The following EXOC6B variants were observed in gnomAD, a reference collection of about 807,000 sequenced individuals.
EXOC6B encodes exocyst complex component 6B, also known as SEC15 homolog B.
Under a neutral mutation model 113.5 loss-of-function variants are expected in EXOC6B, and 54 were observed. That is an observed-to-expected ratio of 0.48 (90% CI 0.38 to 0.60). EXOC6B has a LOEUF of 0.60. Among genes scored for constraint, EXOC6B ranks in the 20% least tolerant of loss-of-function variants. The probability of loss-of-function intolerance (pLI) is 0.00; values close to 1 mark genes in which losing one functional copy is unlikely to be tolerated. For missense variants in EXOC6B, 797 were observed against 977.5 expected, an observed-to-expected ratio of 0.82 and a Z score of 2.46; for synonymous variants, 357 against 339.0, an observed-to-expected ratio of 1.05 and a Z score of -0.58.
rs192870647 is a variant in EXOC6B, at chr2:72,735,289, C to T, written c.280-2171G>A. On this transcript the variant is annotated intron_variant, in intron 2 of 21. Transcript: ENST00000272427. ...CACCTTAAACTCACTGTAAAAAATA[C>T]ATTTTCCATTGCAACTCAGTACACA... Among the ~76,000 whole-genome samples the T allele has an allele frequency of 6.6e-5, 10 of 152,212 alleles. No individual in the cohort carries two copies. In the East Asian group the frequency reaches 1.9e-3, roughly 29 times the overall value.
intron 6 of EXOC6B, among the ~76,000 whole-genome samples, chr2:72,710,499 G>C (rs534533589): frequency 2.0e-5 from 3 of 152,126 alleles, no homozygotes; most frequent in Admixed American, 2.0e-4. Context: ...GCAAAAATTG[G>C]TACAAATATA....
chr2:72,499,647 C>A (rs1700219214), intron 12 of EXOC6B, among the ~76,000 whole-genome samples: 1 of 151,624 alleles, frequency 6.6e-6, no homozygotes. Context: ...CTCACCTCTG[C>A]CCCCAGAGTG....
chr2:72,409,157 C>T (rs1693992686), intron 18 of EXOC6B, among the ~76,000 whole-genome samples: 1 of 152,144 alleles, frequency 6.6e-6, no homozygotes, highest in Non-Finnish European at 1.5e-5. Context: ...CAAATCAAAA[C>T]CACAATGAGA....
chr2:72,442,703 A>G (rs1239210704), intron 18 of EXOC6B, among the ~76,000 whole-genome samples: 1 of 152,228 alleles, frequency 6.6e-6, no homozygotes, highest in Non-Finnish European at 1.5e-5. Flanking sequence ...AGATCTCTGC[A>G]AGGAAAATTA....
intron 18 of EXOC6B, among the ~76,000 whole-genome samples, chr2:72,450,193 T>A (rs114945775): frequency 6.6e-6 from 1 of 152,094 alleles, no homozygotes; most frequent in East Asian, 1.9e-4. Flanking sequence ...ACCCTATTTA[T>A]GTAGAGAGGT....
intron 20 of EXOC6B, among the ~76,000 whole-genome samples, chr2:72,246,289 C>T (rs1372498340): frequency 1.3e-5 from 2 of 152,090 alleles, no homozygotes; most frequent in African/African-American, 4.8e-5. Context: ...ATTATGCTTC[C>T]CTAACACTTT....
chr2:72,579,245 G>C (rs1287097695), intron 6 of EXOC6B, among the ~76,000 whole-genome samples: 1 of 152,052 alleles, frequency 6.6e-6, no homozygotes, highest in African/African-American at 2.4e-5. Flanking sequence ...CCAAGCAATA[G>C]GAACCATGAA....
rs547329154 is a variant in EXOC6B, at chr2:72,321,812, T to C, written c.2196+13135A>G. Among the ~76,000 whole-genome samples the C allele has an allele frequency of 2.6e-5, 4 of 152,280 alleles. No homozygotes were observed. In the South Asian group the frequency reaches 8.3e-4, roughly 32 times the overall value. ...TATTCTGTGATCTTGGTAGTGGTAA[T>C]ACAACTGTGTAAGTTTGTAAAAAAA... On this transcript the variant is annotated intron_variant, in intron 20 of 21. Coordinates refer to ENST00000272427, the MANE Select transcript of EXOC6B (RefSeq NM_015189.3).
At chr2:72,370,877 G>C (rs912390783) in intron 19 of EXOC6B, among the ~76,000 whole-genome samples, 1 of 149,628 alleles carries the variant, frequency 6.7e-6, no homozygotes, top group Non-Finnish European at 1.5e-5. Flanking sequence ...TGATGGGAGG[G>C]GGGAGGGATA....
intron 6 of EXOC6B, among the ~76,000 whole-genome samples, chr2:72,626,182 C>T (rs1672038427): frequency 6.6e-6 from 1 of 151,904 alleles, no homozygotes; most frequent in African/African-American, 2.4e-5. Flanking sequence ...AAAGATAATC[C>T]TCAATTCATT....
chr2:72,745,454 TAAAA>T (rs892589089), intron 1 of EXOC6B, among the ~76,000 whole-genome samples: 3 of 150,436 alleles, frequency 2.0e-5, no homozygotes. Context: ...TTTTGAGAAT[TAAAA>T]AAAAAGAAAG....
intron 8 of EXOC6B, among the ~76,000 whole-genome samples, chr2:72,542,855 T>C (rs757060898): frequency 1.3e-5 from 2 of 152,118 alleles, no homozygotes; most frequent in African/African-American, 2.4e-5. Context: ...CTCTGAAATT[T>C]TGAAAATTTA....
chr2:72,562,903 G>A (rs1703966842), intron 7 of EXOC6B, among the ~76,000 whole-genome samples: 1 of 152,110 alleles, frequency 6.6e-6, no homozygotes, highest in Non-Finnish European at 1.5e-5. Context: ...AGATTATCCT[G>A]CTTTTTTAAC....
intron 6 of EXOC6B, among the ~76,000 whole-genome samples, chr2:72,658,040 C>CGT (rs1006729923): frequency 6.7e-6 from 1 of 150,132 alleles, no homozygotes; most frequent in African/African-American, 2.4e-5. Context: ...TAAAGCACTA[C>CGT]ATATTGGAAA....
intron 6 of EXOC6B, among the ~76,000 whole-genome samples, chr2:72,627,851 C>T (rs554330171): frequency 2.2e-4 from 33 of 152,230 alleles, no homozygotes; most frequent in South Asian, 6.2e-4. Context: ...CCTCACCCTG[C>T]CAGGTAGCTG....
At chr2:72,540,466 A>C (rs1702537936) in intron 8 of EXOC6B, among the ~76,000 whole-genome samples, 1 of 152,186 alleles carries the variant, frequency 6.6e-6, no homozygotes, top group African/African-American at 2.4e-5. Flanking sequence ...ATATTTTCTT[A>C]ACCATTTGAA....
At chr2:72,548,998 T>A (rs1228833474) in intron 8 of EXOC6B, among the ~76,000 whole-genome samples, 1 of 151,808 alleles carries the variant, frequency 6.6e-6, no homozygotes, top group East Asian at 1.9e-4. Flanking sequence ...GGCGACAGAG[T>A]GAGACGCTGT....
intron 5 of EXOC6B, among the ~76,000 whole-genome samples, chr2:72,727,949 T>A (rs1394430014): frequency 2.0e-5 from 3 of 152,042 alleles, no homozygotes; most frequent in African/African-American, 7.2e-5. Context: ...AGGAAGTAGA[T>A]GAGAGAAAAC....
At chr2:72,193,170 T>C (rs1043387574) in intron 20 of EXOC6B, among the ~76,000 whole-genome samples, 6 of 152,238 alleles carry the variant, frequency 3.9e-5, no homozygotes, top group African/African-American at 1.4e-4. Context: ...CTGAGGGTCC[T>C]CTGACTGATA....
Sources: gnomAD v4.1 joint callset for allele counts (sites outside exome capture counted in the v4.1 genomes callset) on GRCh38, gnomAD v4.1.1 for gene constraint, MANE v1.5 for transcripts, NCBI Gene and HGNC (gene_info 2026-07-23, HGNC 2026-07-21) for gene names.